Variants in MAF observed in about 807,000 individuals in gnomAD.
The protein encoded by MAF is MAF bZIP transcription factor, also known as transcription factor Maf.
A neutral mutation model predicts 22.0 loss-of-function variants in MAF; 10 were observed. That is an observed-to-expected ratio of 0.45 (90% CI 0.28 to 0.77). MAF has a LOEUF of 0.77. MAF is among the 30% of genes least tolerant of loss of function. MAF has a pLI of 0.12. For missense variants in MAF, 544 were observed against 548.4 expected (o/e 0.99, Z 0.08); for synonymous variants, 337 against 255.8 (o/e 1.32, Z -3.03).
the MAF span, among the ~76,000 whole-genome samples, chr16:79,478,618 T>A: frequency 2.0e-5 from 3 of 152,172 alleles, no homozygotes; most frequent in Non-Finnish European, 4.4e-5. Flanking sequence ...ATCACTTGTG[T>A]ACTATCCCCG....
chr16:79,316,403 A>T, the MAF span, among the ~76,000 whole-genome samples: 3 of 152,108 alleles, frequency 2.0e-5, no homozygotes, highest in East Asian at 5.8e-4. Context: ...GACACTGGTA[A>T]AACCTTTCTG....
chr16:79,358,796 T>C, the MAF span, among the ~76,000 whole-genome samples: 1 of 152,162 alleles, frequency 6.6e-6, no homozygotes, highest in Non-Finnish European at 1.5e-5. Flanking sequence ...CCCACCTCAT[T>C]CTCTCAGATT....
chr16:79,296,373 G>A, the MAF span, among the ~76,000 whole-genome samples: 1 of 152,134 alleles, frequency 6.6e-6, no homozygotes, highest in Admixed American at 6.5e-5. Context: ...CTGTCGGGGG[G>A]CAGGGTGTAG....
At chr16:79,539,306 C>T in the MAF span, among the ~76,000 whole-genome samples, 11 of 152,208 alleles carry the variant, frequency 7.2e-5, no homozygotes, top group African/African-American at 2.4e-4. Context: ...GAGTTTAAAC[C>T]AGCCTGGCCA....
chr16:79,521,151 G>A, the MAF span, among the ~76,000 whole-genome samples: 1 of 152,176 alleles, frequency 6.6e-6, no homozygotes, highest in African/African-American at 2.4e-5. Context: ...AGGAGCACAG[G>A]CAGTTAAAGT....
the MAF span, among the ~76,000 whole-genome samples, chr16:79,291,797 C>A: frequency 4.8e-5 from 7 of 146,646 alleles, no homozygotes; most frequent in African/African-American, 1.8e-4. Context: ...AGGAACTGAG[C>A]TAGAAATTAG....
At chr16:79,297,541 C>T in the MAF span, among the ~76,000 whole-genome samples, 1 of 152,148 alleles carries the variant, frequency 6.6e-6, no homozygotes, top group South Asian at 2.1e-4. Context: ...TACTGAACTG[C>T]TTAGAACTTC....
At chr16:79,539,461 G>T in the MAF span, among the ~76,000 whole-genome samples, 2 of 152,056 alleles carry the variant, frequency 1.3e-5, no homozygotes, top group Non-Finnish European at 2.9e-5. Flanking sequence ...CCGAGATCGC[G>T]CCACTGCACT....
the MAF span, among the ~76,000 whole-genome samples, chr16:79,349,516 C>T: frequency 2.0e-5 from 3 of 152,186 alleles, no homozygotes; most frequent in African/African-American, 7.2e-5. Context: ...ACAACCCATT[C>T]GGGTTTCACT....
At chr16:79,415,897 A>G in the MAF span, among the ~76,000 whole-genome samples, 1 of 151,662 alleles carries the variant, frequency 6.6e-6, no homozygotes, top group Non-Finnish European at 1.5e-5. Context: ...CAGGGGCCAT[A>G]CTCTTGCATC....
chr16:79,323,811 G>A, the MAF span, among the ~76,000 whole-genome samples: 7 of 152,180 alleles, frequency 4.6e-5, no homozygotes, highest in Non-Finnish European at 1.0e-4. Context: ...AATCCCAGGG[G>A]AAGGAATTTT....
At chr16:79,322,164 C>T in the MAF span, among the ~76,000 whole-genome samples, 12 of 152,178 alleles carry the variant, frequency 7.9e-5, no homozygotes, top group Middle Eastern at 3.4e-3. Context: ...TCCCAGGAGG[C>T]GGAGGTTGCA....
At chr16:79,439,973 C>T in the MAF span, among the ~76,000 whole-genome samples, 2 of 152,182 alleles carry the variant, frequency 1.3e-5, no homozygotes, top group African/African-American at 4.8e-5. Context: ...GGTCTTCTGG[C>T]CACAGGCGCT....
chr16:79,568,922 G>A, the MAF span, among the ~76,000 whole-genome samples: 1 of 152,180 alleles, frequency 6.6e-6, no homozygotes, highest in Non-Finnish European at 1.5e-5. Flanking sequence ...GTCTGTTACT[G>A]TGCCCATTTT....
At chr16:79,468,875 G>A in the MAF span, among the ~76,000 whole-genome samples, 2 of 152,250 alleles carry the variant, frequency 1.3e-5, no homozygotes, top group African/African-American at 2.4e-5. Context: ...CCCTTCTAAT[G>A]GCGACCTCTT....
rs375954068 is a variant in MAF, at chr16:79,594,414, T to G, written c.*46A>C. ...GGTGGTTCTCCATGACTGCAAATAA[T>G]AATAATAATGATGATTTTTTTTAAT... On this transcript the variant is annotated 3_prime_UTR_variant, in exon 2 of 2. Transcript: ENST00000326043. 6.6e-7 allele frequency: 1 copy of G among 1,507,446 alleles called. No individual in the cohort carries two copies. The highest frequency in any genetic ancestry group is 2.5e-5 in the East Asian group (1 of 40,696). 93.4% of individuals were successfully genotyped at this position (1,507,446 alleles called of 1,614,324 possible). A position where few individuals can be genotyped will look rare whatever the true frequency, so the allele number is the denominator to read the frequency against.
chr16:79,295,843 C>G, the MAF span, among the ~76,000 whole-genome samples: 1 of 152,204 alleles, frequency 6.6e-6, no homozygotes, highest in Non-Finnish European at 1.5e-5. Context: ...TTGGCAGTCC[C>G]GTTTCACAGA....
At chr16:79,234,945 G>A in the MAF span, among the ~76,000 whole-genome samples, 3 of 152,076 alleles carry the variant, frequency 2.0e-5, no homozygotes, top group Non-Finnish European at 4.4e-5. Context: ...CATTCACCAT[G>A]AGAGAAACAT....
At chr16:79,364,052 A>G in the MAF span, among the ~76,000 whole-genome samples, 1 of 152,150 alleles carries the variant, frequency 6.6e-6, no homozygotes, top group African/African-American at 2.4e-5. Context: ...TCCACCCAGG[A>G]GCTGCTACTT....
Sources: gnomAD v4.1 joint callset for allele counts (sites outside exome capture counted in the v4.1 genomes callset) on GRCh38, gnomAD v4.1.1 for gene constraint, MANE v1.5 for transcripts, NCBI Gene and HGNC (gene_info 2026-07-23, HGNC 2026-07-21) for gene names.